Variants in USPL1 observed in about 807,000 individuals in gnomAD.
USPL1 encodes ubiquitin specific peptidase like 1.
In USPL1, 27 loss-of-function variants were observed where a neutral mutation model predicts 51.5. That is an observed-to-expected ratio of 0.52 (90% confidence interval 0.39 to 0.72). The LOEUF (loss-of-function observed/expected upper bound fraction) is 0.72. USPL1 is among the 30% of genes least tolerant of loss of function. The pLI is 0.00. For missense variants in USPL1, 1,226 were observed against 1,268.0 expected, an observed-to-expected ratio of 0.97 and a Z score of 0.50; for synonymous variants, 451 against 459.6, an observed-to-expected ratio of 0.98 and a Z score of 0.24.
Position 30,634,720 on chromosome 13 carries a change from A to G in USPL1, c.869-3024A>G, listed in dbSNP as rs1593371850. Among the ~76,000 whole-genome samples the G allele has an allele frequency of 3.9e-5, 6 of 152,200 alleles. 1 individual carries two copies. Among genetic ancestry groups the G allele is most frequent in the Admixed American group, 3.9e-4 (6 of 15,274 alleles). The stretch of plus-strand genomic sequence containing the variant: ...GAGTTTCCCTTCTGTATAACAAAGG[A>G]ATGGAAAATTATAGACTTTCGTGTC... On this transcript the variant is annotated intron_variant, in intron 4 of 8. Transcript: ENST00000255304.
At chr13:30,619,376 G>A (rs1950618156) in intron 1 of USPL1, among the ~76,000 whole-genome samples, 1 of 152,152 alleles carries the variant, frequency 6.6e-6, no homozygotes, top group Non-Finnish European at 1.5e-5. Context: ...CCGCTGAAAT[G>A]TTGGGTGATG....
Position 30,657,723 on chromosome 13 carries a change from A to G in USPL1, c.1646A>G (p.His549Arg). 6.2e-7 allele frequency: 1 copy of G among 1,614,186 alleles called. No individual in the cohort carries two copies. The highest frequency in any genetic ancestry group is 8.5e-7 in the Non-Finnish European group (1 of 1,180,034). ...AASAETASVT[H>R]PKDISVAPRT... The stretch of plus-strand genomic sequence containing the variant: ...TCAGCTGAAACAGCCTCAGTAACTC[A>G]CCCTAAAGATATATCAGTTGCCCCT... The change falls in exon 9 of 9, where the codon CAC becomes CGC. Residue 549 changes from histidine (H) to arginine (R), a missense_variant. By Grantham distance (29) the His-to-Arg change is conservative. Transcript: ENST00000255304.
In USPL1 at chr13:30,658,943, ACTGTTC is replaced by A. The variant is rs1566063418; in HGVS notation, c.2870_2875del (p.Val957_Pro958del). The stretch of plus-strand genomic sequence containing the variant: ...TATTGCCAGTGAGTCTGCATGCACC[ACTGTTC>A]CTGGTGTTTCCCTGTACAGTAGTCA... On this transcript the variant is annotated inframe_deletion, in exon 9 of 9. Transcript: ENST00000255304. The A allele has an allele frequency of 1.2e-6, 2 of 1,614,096 alleles. No individual in the cohort carries two copies. Among genetic ancestry groups the A allele is most frequent in the Admixed American group, 3.3e-5 (2 of 60,006 alleles).
chr13:30,659,274 T>G lies in USPL1; in HGVS notation c.3197T>G (p.Phe1066Cys). The G allele has an allele frequency of 1.9e-6, 3 of 1,614,166 alleles. No individual in the cohort carries two copies. Residue 1066 changes from phenylalanine (F) to cysteine (C), a missense_variant, in exon 9 of 9, where the codon TTT (phenylalanine) becomes TGT (cysteine). By Grantham distance (205) the Phe-to-Cys change is radical. Coordinates refer to ENST00000255304, the MANE Select transcript of USPL1 (RefSeq NM_005800.5). ...PMKTDIFDEF[F>C]SSSALNALAN... Reference sequence around the variant, plus strand: ...AAGACTGATATTTTCGATGAGTTTTTTTCCTCCTCAGCATTAAATGCTTTA... The same window carrying G: ...AAGACTGATATTTTCGATGAGTTTTGTTCCTCCTCAGCATTAAATGCTTTA...
intron 4 of USPL1, among the ~76,000 whole-genome samples, chr13:30,634,482 GT>G (rs1156627878): frequency 6.6e-6 from 1 of 152,184 alleles, no homozygotes; most frequent in Non-Finnish European, 1.5e-5. Flanking sequence ...AATTTAGTTT[GT>G]TTTGATCTTC....
At chr13:30,637,257 A>G (rs1950888581) in intron 4 of USPL1, among the ~76,000 whole-genome samples, 1 of 152,254 alleles carries the variant, frequency 6.6e-6, no homozygotes. Flanking sequence ...AAACCCCTCA[A>G]AAATGACATA....
chr13:30,631,337 C>T lies in USPL1; in HGVS notation c.731C>T (p.Ala244Val), dbSNP rs761735559. The change falls in exon 4 of 9, where the codon GCT becomes GTT. Residue 244 changes from alanine (A) to valine (V), a missense_variant. Ala to Val is a moderately conservative substitution (Grantham distance 64). Transcript: ENST00000255304. The stretch of plus-strand genomic sequence containing the variant: ...TGTTGGTTAGACTGTATCCTGTCAG[C>T]TTTGGTGCACTCGGAAGAGTTAAAG... ...ALCWLDCILS[A>V]LVHSEELKNT... 1 of 1,614,180 alleles carries T rather than the reference C, an allele frequency of 6.2e-7. No individual in the cohort carries two copies. Among genetic ancestry groups the T allele is most frequent in the South Asian group, 1.1e-5 (1 of 91,078 alleles).
At chr13:30,640,414 G>A (rs2137667045) in intron 5 of USPL1, among the ~76,000 whole-genome samples, 1 of 152,236 alleles carries the variant, frequency 6.6e-6, no homozygotes, top group South Asian at 2.1e-4. Context: ...TTATGGCTGG[G>A]CCCGGTGGCT....
intron 6 of USPL1, 135 bp from the exon 7 acceptor site, chr13:30,646,797 A>G: frequency 1.1e-6 from 1 of 923,674 alleles, no homozygotes; most frequent in Non-Finnish European, 1.6e-6. Context: ...AGGGAGGAAC[A>G]TTGCCATATT....
rs761193657 is a variant in USPL1, at chr13:30,646,953, C to G, written c.1134C>G (p.Thr378=). 1 of 1,613,778 alleles carries G rather than the reference C, an allele frequency of 6.2e-7. No individual in the cohort carries two copies. Among genetic ancestry groups the G allele is most frequent in the Admixed American group, 1.7e-5 (1 of 59,988 alleles). The change falls in exon 7 of 9, where the codon ACC becomes ACG. Residue 378 remains threonine, a synonymous_variant. Transcript: ENST00000255304. ...YQNRHMKSLV[T]FTNVIPEWHP... ...ATAGGCATATGAAGAGTCTGGTCAC[C>G]TTTACAAATGTCATCCCTGAGTGGC...
intron 3 of USPL1, among the ~76,000 whole-genome samples, 164 bp from the exon 4 acceptor site, chr13:30,630,671 T>G (rs1950789297): frequency 6.6e-6 from 1 of 152,214 alleles, no homozygotes; most frequent in African/African-American, 2.4e-5. Flanking sequence ...AACTTTTGAT[T>G]AAGTAGTTGT....
intron 4 of USPL1, among the ~76,000 whole-genome samples, chr13:30,633,654 C>T (rs1950836318): frequency 6.6e-6 from 1 of 151,928 alleles, no homozygotes; most frequent in African/African-American, 2.4e-5. Flanking sequence ...CGCCTGTAGT[C>T]ACAGCTACTC....
In USPL1 at chr13:30,658,368, T is replaced by C. The variant is rs1448268445; in HGVS notation, c.2291T>C (p.Ile764Thr). The change falls in exon 9 of 9, where the codon ATA becomes ACA. Residue 764 changes from isoleucine to threonine, a missense_variant. Transcript: ENST00000255304. ...GTGGGAAGTTGGGTTAAAGGCTTAA[T>C]AAGCAGGGGTGCTTCTTTTATGCCA... Reference protein sequence around the residue: ...PFVGSWVKGLISRGASFMPLC... With the variant: ...PFVGSWVKGLTSRGASFMPLC... The C allele has an allele frequency of 5.6e-6, 9 of 1,613,578 alleles. No individual in the cohort carries two copies. The highest frequency in any genetic ancestry group is 1.3e-5 in the African/African-American group (1 of 74,932).
chr13:30,634,789 C>T (rs113814387), intron 4 of USPL1, among the ~76,000 whole-genome samples: 3 of 152,264 alleles, frequency 2.0e-5, no homozygotes, highest in African/African-American at 7.2e-5. Context: ...AGTGGTTGTA[C>T]CAAGCAATTC....
intron 7 of USPL1, among the ~76,000 whole-genome samples, 174 bp downstream of exon 7, chr13:30,647,231 G>A (rs1011805438): frequency 2.0e-5 from 3 of 152,088 alleles, no homozygotes; most frequent in Admixed American, 6.6e-5. Context: ...CCACTGTCAC[G>A]GTGAAGCCAC....
At chr13:30,657,417 T>G in intron 8 of USPL1, 57 bp from the exon 9 acceptor site, 1 of 1,510,998 alleles carries the variant, frequency 6.6e-7, no homozygotes, top group Non-Finnish European at 8.8e-7. Flanking sequence ...CAGAAGAAAG[T>G]TAACCTAGGA....
chr13:30,621,272 G>C, intron 2 of USPL1, 33 bp downstream of exon 2: 1 of 1,250,042 alleles, frequency 8.0e-7, no homozygotes, highest in South Asian at 1.6e-5. Flanking sequence ...TGAGTGCAAA[G>C]TTTTTTTTTT....
At chr13:30,624,511 G>A (rs144393544) in intron 3 of USPL1, among the ~76,000 whole-genome samples, 35 of 152,278 alleles carry the variant, frequency 2.3e-4, no homozygotes, top group African/African-American at 7.7e-4. Context: ...CCAGCTACCC[G>A]GGAGGGGGAC....
Position 30,657,715 on chromosome 13 carries a change from A to G in USPL1, c.1638A>G (p.Ser546=), listed in dbSNP as rs1566061595. The change falls in exon 9 of 9, where the codon TCA becomes TCG. Residue 546 remains serine (S), a synonymous_variant. Transcript: ENST00000255304. ...ATGCTGCCTCAGCTGAAACAGCCTC[A>G]GTAACTCACCCTAAAGATATATCAG... ...VGDAASAETA[S]VTHPKDISVA... 1 of 1,614,236 alleles carries G rather than the reference A, an allele frequency of 6.2e-7. No homozygotes were observed. Among genetic ancestry groups the G allele is most frequent in the Non-Finnish European group, 8.5e-7 (1 of 1,180,028 alleles).
Sources: allele counts gnomAD v4.1 joint callset (sites outside exome capture counted in the v4.1 genomes callset), GRCh38; gene constraint gnomAD v4.1.1; transcripts MANE v1.5; gene names NCBI Gene and HGNC (gene_info 2026-07-23, HGNC 2026-07-21).